Variants in CCNK observed in about 807,000 individuals in gnomAD.
The protein encoded by CCNK is cyclin K.
Under a neutral mutation model 65.0 loss-of-function variants are expected in CCNK, and 9 were observed. The ratio of observed to expected loss-of-function variants is 0.14; its 90% CI spans 0.08 to 0.24. The LOEUF (loss-of-function observed/expected upper bound fraction) is 0.24. CCNK is among the 10% of genes least tolerant of loss of function. The pLI is 1.00. For synonymous variants in CCNK, 279 were observed against 270.8 expected (o/e 1.03, Z -0.30); for missense variants, 474 against 720.0 (o/e 0.66, Z 3.91).
At chr14:99,508,298 G>A (rs1459819569) in intron 10 of CCNK, 1 of 152,264 alleles carries the variant, frequency 6.6e-6, no homozygotes, top group African/African-American at 2.4e-5. Context: ...TCCTCGCCAA[G>A]TGCAGTTCCC....
chr14:99,485,845 C>G (rs1262097646), intron 1 of CCNK, among the ~76,000 whole-genome samples: 1 of 150,896 alleles, frequency 6.6e-6, no homozygotes, highest in Non-Finnish European at 1.5e-5. Context: ...GAGGGAGACT[C>G]TGTCTCAAAA....
In CCNK at chr14:99,511,579, T is replaced by C. The variant is rs1054543823; in HGVS notation, c.*797T>C. 3.3e-5 allele frequency: 5 copies of C among 152,438 alleles called. No homozygotes were observed. Among genetic ancestry groups the C allele is most frequent in the Non-Finnish European group, 5.9e-5 (4 of 68,016 alleles). 9.4% of individuals were successfully genotyped at this position (152,438 alleles called of 1,614,324 possible). On this transcript the variant is annotated 3_prime_UTR_variant, in exon 11 of 11. Coordinates refer to ENST00000389879, the MANE Select transcript of CCNK (RefSeq NM_001099402.2). ...CCTTCGCAGTCTGTGGCTTATAAAA[T>C]GTGCAGAGGCCCTCCTTCCAGACCC...
chr14:99,510,484 C>T lies in CCNK; in HGVS notation c.1445C>T (p.Pro482Leu), dbSNP rs1376284414. ...CACCCCCATGTCTACCCGCCCAACC[C>T]GCCCCCGCCACCTGTGCCTCCTCCC... ...PYHPHVYPPN[P>L]PPPPVPPPPA... Residue 482 changes from proline (P) to leucine (L), a missense_variant, in exon 11 of 11, where the codon CCG (proline) becomes CTG (leucine). Physicochemically the swap from Pro to Leu is moderately conservative, Grantham distance 98. This residue lies in a region of CCNK where 229 missense variants were observed against 275.5 expected (regional missense o/e 0.83). Coordinates refer to ENST00000389879, the MANE Select transcript of CCNK (RefSeq NM_001099402.2). 3 of 1,275,668 alleles carry T rather than the reference C, an allele frequency of 2.4e-6. No individual in the cohort carries two copies. Among genetic ancestry groups the T allele is most frequent in the Non-Finnish European group, 2.2e-6 (2 of 928,846 alleles). 79.0% of individuals were successfully genotyped at this position (1,275,668 alleles called of 1,614,324 possible). A position where few individuals can be genotyped will look rare whatever the true frequency, so the allele number is the denominator to read the frequency against.
chr14:99,491,551 A>C (rs1896598260), intron 1 of CCNK, among the ~76,000 whole-genome samples: 1 of 151,340 alleles, frequency 6.6e-6, no homozygotes, highest in South Asian at 2.1e-4. Context: ...AGTCACACAC[A>C]AAAATGTAAA....
intron 1 of CCNK, among the ~76,000 whole-genome samples, chr14:99,483,384 A>G (rs540362638): frequency 6.6e-6 from 1 of 152,220 alleles, no homozygotes; most frequent in African/African-American, 2.4e-5. Flanking sequence ...CCTCACCACT[A>G]CAAAAAAAAA....
At chr14:99,497,181 C>T (rs1410807719) in intron 4 of CCNK, among the ~76,000 whole-genome samples, 1 of 152,112 alleles carries the variant, frequency 6.6e-6, no homozygotes, top group Non-Finnish European at 1.5e-5. Context: ...TAACATGTAG[C>T]CACCATTATA....
Position 99,510,572 on chromosome 14 carries a change from C to T in CCNK, c.1533C>T (p.Pro511=). The T allele has an allele frequency of 4.0e-6, 2 of 504,138 alleles. No individual in the cohort carries two copies. The highest frequency in any genetic ancestry group is 3.5e-5 in the Admixed American group (1 of 28,972). The allele number at this position is 504,138 out of a possible 1,614,324, so 31.2% of individuals were successfully genotyped here. A position where few individuals can be genotyped will look rare whatever the true frequency, so the allele number is the denominator to read the frequency against. Residue 511 remains proline (P), a synonymous_variant, in exon 11 of 11, where the codon CCC becomes CCT. Coordinates refer to ENST00000389879, the MANE Select transcript of CCNK (RefSeq NM_001099402.2). ...PPTPGYPPPP[P]TYNPNFPPPP... ...CTCCTGGCTACCCCCCACCCCCACCCACCTACAACCCCAACTTCCCACCCC... is the reference window on the plus strand; with the variant it reads ...CTCCTGGCTACCCCCCACCCCCACCTACCTACAACCCCAACTTCCCACCCC...
In CCNK at chr14:99,502,705, T is replaced by G. The variant is rs1342285376; in HGVS notation, c.746-14T>G. 6.2e-7 allele frequency: 1 copy of G among 1,608,962 alleles called. No homozygotes were observed. Among genetic ancestry groups the G allele is most frequent in the East Asian group, 2.2e-5 (1 of 44,882 alleles). On this transcript the variant is annotated splice_polypyrimidine_tract_variant and intron_variant, in intron 7 of 10. Transcript: ENST00000389879. The stretch of plus-strand genomic sequence containing the variant: ...ACCAATTTGTGTAAAATGTAATTGT[T>G]GGCTATCATTTAGACATCTGCCACC...
Position 99,500,986 on chromosome 14 carries a change from C to G in CCNK, c.517+115C>G. 3 of 698,376 alleles carry G rather than the reference C, an allele frequency of 4.3e-6. No individual in the cohort carries two copies. The South Asian group carries it at 5.1e-5, about 12-fold the overall frequency. The allele number at this position is 698,376 out of a possible 1,614,324, so 43.3% of individuals were successfully genotyped here. Reference sequence around the variant, plus strand: ...AAAACAAAGTTTGATGTGTGAAATACCAAGGGCATGGCTTGCTCAGTCAAT... The same window carrying G: ...AAAACAAAGTTTGATGTGTGAAATAGCAAGGGCATGGCTTGCTCAGTCAAT... On this transcript the variant is annotated intron_variant, in intron 5 of 10. Transcript: ENST00000389879.
intron 6 of CCNK, 90 bp downstream of exon 6, chr14:99,501,503 C>A: frequency 2.2e-6 from 2 of 919,432 alleles, no homozygotes; most frequent in South Asian, 1.4e-5. Context: ...CATTTTGTGT[C>A]AGAAGAAACT....
Position 99,487,114 on chromosome 14 carries a change from A to G in CCNK, c.-52-5512A>G, listed in dbSNP as rs116157568. On this transcript the variant is annotated intron_variant, in intron 1 of 10. Coordinates refer to ENST00000389879, the MANE Select transcript of CCNK (RefSeq NM_001099402.2). ...ATTCCCAACTGTGAATAAATTGCTA[A>G]GATGTGCTAAGATATTGATTCCCTC... Among the ~76,000 whole-genome samples, 834 of 152,352 alleles carry G rather than the reference A, an allele frequency of 5.5e-3. 9 individuals are homozygous for G. The highest frequency in any genetic ancestry group is 0.019 in the African/African-American group (798 of 41,588).
intron 5 of CCNK, 159 bp downstream of exon 5, chr14:99,501,030 A>G (rs372432279): frequency 1.6e-6 from 1 of 623,058 alleles, no homozygotes; most frequent in East Asian, 2.8e-5. Flanking sequence ...GCAGCTGCTA[A>G]TGCTGTTTCC....
At chr14:99,485,379 G>A (rs1477579905) in intron 1 of CCNK, among the ~76,000 whole-genome samples, 1 of 152,164 alleles carries the variant, frequency 6.6e-6, no homozygotes, top group African/African-American at 2.4e-5. Context: ...TAGAGAATAT[G>A]GAGGTACTCT....
chr14:99,485,893 A>G (rs1318849214), intron 1 of CCNK, among the ~76,000 whole-genome samples: 1 of 152,158 alleles, frequency 6.6e-6, no homozygotes, highest in Non-Finnish European at 1.5e-5. Context: ...CCTATTTCCT[A>G]GTCTGTTCAT....
chr14:99,510,314 C>A lies in CCNK; in HGVS notation c.1275C>A (p.Pro425=). The A allele has an allele frequency of 6.4e-7, 1 of 1,567,328 alleles. No individual in the cohort carries two copies. The highest frequency in any genetic ancestry group is 8.7e-7 in the Non-Finnish European group (1 of 1,147,782). ...PLPHRPPPPP[P]SSYMTGMSTT... ...CACACCGGCCCCCGCCCCCACCCCCCTCCAGCTACATGACCGGGATGTCCA... is the reference window on the plus strand; with the variant it reads ...CACACCGGCCCCCGCCCCCACCCCCATCCAGCTACATGACCGGGATGTCCA... Residue 425 remains proline (P), a synonymous_variant, in exon 11 of 11, where the codon CCC becomes CCA. Coordinates refer to ENST00000389879, the MANE Select transcript of CCNK (RefSeq NM_001099402.2).
chr14:99,488,155 G>A (rs1252260643), intron 1 of CCNK, among the ~76,000 whole-genome samples: 2 of 151,852 alleles, frequency 1.3e-5, no homozygotes, highest in East Asian at 3.9e-4. Flanking sequence ...TCATTCTCCT[G>A]TGTAATCACA....
intron 4 of CCNK, among the ~76,000 whole-genome samples, chr14:99,497,520 AG>A (rs1224469523): frequency 6.6e-6 from 1 of 152,228 alleles, no homozygotes; most frequent in East Asian, 1.9e-4. Context: ...GGCAGGACAG[AG>A]TAGGCATTCA....
intron 1 of CCNK, among the ~76,000 whole-genome samples, chr14:99,488,681 T>C (rs185107863): frequency 1.1e-3 from 163 of 152,202 alleles, no homozygotes; most frequent in Non-Finnish European, 4.0e-4. Flanking sequence ...ATCAACTGTA[T>C]TTTTTTTACA....
chr14:99,500,623 C>T, intron 4 of CCNK, 143 bp from the exon 5 acceptor site: 1 of 645,396 alleles, frequency 1.5e-6, no homozygotes, highest in African/African-American at 1.9e-5. Context: ...TGTTAAAAGT[C>T]TGAGTGGGAG....
Sources: gnomAD v4.1 joint callset for allele counts (sites outside exome capture counted in the v4.1 genomes callset) on GRCh38, gnomAD v4.1.1 for gene constraint, gnomAD v4.1.1 regional missense constraint, MANE v1.5 for transcripts, NCBI Gene and HGNC (gene_info 2026-07-23, HGNC 2026-07-21) for gene names.